Variants in MCM8 observed in about 807,000 individuals in gnomAD.
MCM8 encodes minichromosome maintenance 8 homologous recombination repair factor.
Under a neutral mutation model 98.9 loss-of-function variants are expected in MCM8, and 85 were observed. The ratio of observed to expected loss-of-function variants is 0.86; its 90% CI spans 0.72 to 1.03. The LOEUF (loss-of-function observed/expected upper bound fraction) is 1.03. Among genes scored for constraint, MCM8 ranks in the 50% least tolerant of loss-of-function variants. The probability of loss-of-function intolerance (pLI) is 0.00; values close to 1 mark genes in which losing one functional copy is unlikely to be tolerated. For synonymous variants in MCM8, 352 were observed against 338.6 expected, an observed-to-expected ratio of 1.04 and a Z score of -0.44; for missense variants, 951 against 997.8, an observed-to-expected ratio of 0.95 and a Z score of 0.63.
chr20:5,954,786 T>G (rs1335568958), intron 4 of MCM8, 96 bp downstream of exon 4: 4 of 745,198 alleles, frequency 5.4e-6, no homozygotes, highest in African/African-American at 5.2e-5. Context: ...GGAGTCAGAC[T>G]TCCTTGGTTC....
chr20:5,972,099 A>G, intron 11 of MCM8, 62 bp downstream of exon 11: 1 of 1,360,268 alleles, frequency 7.4e-7, no homozygotes, highest in Non-Finnish European at 1.0e-6. Context: ...TAACATATAA[A>G]AACTTTACAG....
At position 5,951,023 on chromosome 20, in the gene MCM8, A is replaced by G. The variant is rs185250240; in HGVS notation, c.-6A>G. 6.6e-6 allele frequency: 1 copy of G among 152,244 alleles called. No homozygotes were observed. The highest frequency in any genetic ancestry group is 1.5e-5 in the Non-Finnish European group (1 of 68,042). The allele number at this position is 152,244 out of a possible 1,614,324, so 9.4% of individuals were successfully genotyped here. A position where few individuals can be genotyped will look rare whatever the true frequency, so the allele number is the denominator to read the frequency against. On this transcript the variant is annotated splice_region_variant and 5_prime_UTR_variant, in exon 1 of 19. Coordinates refer to ENST00000610722, the MANE Select transcript of MCM8 (RefSeq NM_032485.6). ...AGCTTTGGGACCTCTGTCCCAAGCA[A>G]GTAAGAACTTTAGCCTTAGGAGATG...
intron 10 of MCM8, among the ~76,000 whole-genome samples, chr20:5,971,015 T>C (rs1446617797): frequency 6.6e-6 from 1 of 152,168 alleles, no homozygotes; most frequent in Non-Finnish European, 1.5e-5. Context: ...GGTCTCACTT[T>C]GTTGCACAGG....
intron 10 of MCM8, among the ~76,000 whole-genome samples, chr20:5,971,093 C>T: frequency 6.6e-6 from 1 of 152,120 alleles, no homozygotes; most frequent in East Asian, 1.9e-4. Context: ...GCTGGGATTA[C>T]AGGCATGAAC....
chr20:5,961,680 C>T (rs2089146454), intron 7 of MCM8, among the ~76,000 whole-genome samples: 3 of 152,164 alleles, frequency 2.0e-5, no homozygotes, highest in Non-Finnish European at 4.4e-5. Flanking sequence ...CACTCTGTCA[C>T]CCAGGCTGGA....
intron 7 of MCM8, among the ~76,000 whole-genome samples, chr20:5,959,784 C>T (rs1304741466): frequency 2.0e-5 from 3 of 150,908 alleles, no homozygotes; most frequent in South Asian, 4.2e-4. Context: ...CCGCAACCTC[C>T]GCCTCCTGGG....
chr20:5,977,532 G>C (rs536752486), intron 12 of MCM8, among the ~76,000 whole-genome samples: 1 of 152,198 alleles, frequency 6.6e-6, no homozygotes, highest in African/African-American at 2.4e-5. Flanking sequence ...ATTAAAATTG[G>C]TACTCATGTT....
At chr20:5,985,743 G>C (rs2089718575) in intron 15 of MCM8, among the ~76,000 whole-genome samples, 179 bp from the exon 16 acceptor site, 1 of 152,028 alleles carries the variant, frequency 6.6e-6, no homozygotes. Context: ...ATGGGGTTTT[G>C]CTGTGTTGGC....
In MCM8 at chr20:5,995,536, C is replaced by T. The variant is rs1429193692; in HGVS notation, c.*1145C>T. Reference sequence around the variant, plus strand: ...GCCCCCACCCGCACCGGAACAGCAACAAAAGGATTCTGCATGAGATGCCTC... The same window carrying T: ...GCCCCCACCCGCACCGGAACAGCAATAAAAGGATTCTGCATGAGATGCCTC... On this transcript the variant is annotated 3_prime_UTR_variant, in exon 19 of 19. Transcript: ENST00000610722. The T allele has an allele frequency of 1.3e-5, 2 of 152,226 alleles. No individual in the cohort carries two copies. The highest frequency in any genetic ancestry group is 2.4e-5 in the African/African-American group (1 of 41,460). 9.4% of individuals were successfully genotyped at this position (152,226 alleles called of 1,614,324 possible).
intron 17 of MCM8, among the ~76,000 whole-genome samples, chr20:5,992,790 A>G (rs1194899800): frequency 3.3e-5 from 5 of 152,220 alleles, no homozygotes; most frequent in South Asian, 2.1e-4. Flanking sequence ...GTATTTGACT[A>G]ATTAATTAAT....
rs879651365 is a variant in MCM8 at position 5,959,305 on chromosome 20, G to T, written c.789+579G>T. On this transcript the variant is annotated intron_variant, in intron 7 of 18. Coordinates refer to ENST00000610722, the MANE Select transcript of MCM8 (RefSeq NM_032485.6). ...GGTTATATAAAGTTGAAGTCTTTCT[G>T]TTCTCAGTTTTATTCCCTTTATTTG... 2.0e-5 allele frequency among the ~76,000 whole-genome samples: 3 copies of T among 152,212 alleles called. No individual in the cohort carries two copies. The South Asian group carries it at 6.2e-4, about 32-fold the overall frequency.
chr20:5,966,522 A>G (rs1004605734), intron 8 of MCM8, among the ~76,000 whole-genome samples: 1 of 151,926 alleles, frequency 6.6e-6, no homozygotes, highest in Non-Finnish European at 1.5e-5. Flanking sequence ...TCATGGCAAT[A>G]TTTTCTCAAA....
rs1290043528 is a variant in MCM8 at position 5,950,741 on chromosome 20, G to C, written c.-288G>C. On this transcript the variant is annotated 5_prime_UTR_variant, in exon 1 of 19. Transcript: ENST00000610722. ...TTGAGGCATTTTTGCGGCGCTGTGC[G>C]CTACAGACACCTTCTGGAAGCTGCG... The C allele has an allele frequency of 9.1e-6, 2 of 219,764 alleles. No individual in the cohort carries two copies. The highest frequency in any genetic ancestry group is 2.2e-4 in the East Asian group (2 of 8,996). The allele number at this position is 219,764 out of a possible 1,614,324, so 13.6% of individuals were successfully genotyped here.
In MCM8 at chr20:5,950,827, G is replaced by A. The variant is rs236188; in HGVS notation, c.-202G>A. ...ATGGGGTTCAGCACCGCGCGGGGAC[G>A]ACAGGAAAGCTGCGGCTGAAGAGAA... On this transcript the variant is annotated 5_prime_UTR_variant, in exon 1 of 19. Coordinates refer to ENST00000610722, the MANE Select transcript of MCM8 (RefSeq NM_032485.6). 23,903 of 154,098 alleles carry A rather than the reference G, an allele frequency of 0.16. 2,685 individuals are homozygous for A. The highest frequency in any genetic ancestry group is 0.32 in the African/African-American group (13,177 of 41,494). 9.5% of individuals were successfully genotyped at this position (154,098 alleles called of 1,614,324 possible). A position where few individuals can be genotyped will look rare whatever the true frequency, so the allele number is the denominator to read the frequency against.
At chr20:5,963,610 G>T (rs1400722159) in intron 8 of MCM8, among the ~76,000 whole-genome samples, 1 of 147,154 alleles carries the variant, frequency 6.8e-6, no homozygotes, top group African/African-American at 2.5e-5. Context: ...CTCACTGCAA[G>T]CTCTCCCTCT....
chr20:5,985,375 C>T (rs1416433645), intron 15 of MCM8, among the ~76,000 whole-genome samples: 3 of 141,706 alleles, frequency 2.1e-5, no homozygotes, highest in African/African-American at 7.9e-5. Context: ...ACCTGGGAGG[C>T]GGAGGTTGCA....
At chr20:5,990,156 C>T (rs1001089357) in intron 17 of MCM8, among the ~76,000 whole-genome samples, 1 of 151,930 alleles carries the variant, frequency 6.6e-6, no homozygotes. Flanking sequence ...TTCACTGCAA[C>T]CTCTGCCTCC....
chr20:5,983,965 A>G (rs2089681067), intron 14 of MCM8, among the ~76,000 whole-genome samples: 2 of 152,244 alleles, frequency 1.3e-5, no homozygotes, highest in African/African-American at 2.4e-5. Context: ...GTGGCTTTAT[A>G]TGTACTAATG....
intron 6 of MCM8, among the ~76,000 whole-genome samples, chr20:5,957,969 G>C (rs1322249965): frequency 1.3e-5 from 2 of 152,024 alleles, no homozygotes; most frequent in African/African-American, 4.8e-5. Flanking sequence ...TTTTGAATCT[G>C]TAGATTTTCC....
Sources: gnomAD v4.1 joint callset for allele counts (sites outside exome capture counted in the v4.1 genomes callset) on GRCh38, gnomAD v4.1.1 for gene constraint, MANE v1.5 for transcripts, NCBI Gene and HGNC (gene_info 2026-07-23, HGNC 2026-07-21) for gene names.